The following EIF4A3 variants were observed in gnomAD, a reference collection of about 807,000 sequenced individuals.
EIF4A3 encodes eukaryotic translation initiation factor 4A3, also known as eukaryotic initiation factor 4A-III.
A neutral mutation model predicts 55.6 loss-of-function variants in EIF4A3; 1 was observed. The observed-to-expected ratio is 0.02, with a 90% CI of 0.01 to 0.09. EIF4A3 has a LOEUF of 0.09. EIF4A3 is among the 10% of genes least tolerant of loss of function. The probability of loss-of-function intolerance (pLI) is 1.00; values close to 1 mark genes in which losing one functional copy is unlikely to be tolerated. For missense variants in EIF4A3, 221 were observed against 540.7 expected (o/e 0.41, Z 5.86); for synonymous variants, 194 against 196.3 (o/e 0.99, Z 0.10).
At chr17:80,136,443 T>C in intron 9 of EIF4A3, 108 bp from the exon 10 acceptor site, 1 of 807,128 alleles carries the variant, frequency 1.2e-6, no homozygotes, top group Non-Finnish European at 2.0e-6. Context: ...GTCCAAAATA[T>C]ACGAGATTCT....
Position 80,135,204 on chromosome 17 carries a change from G to T in EIF4A3, c.*286C>A. On this transcript the variant is annotated 3_prime_UTR_variant, in exon 12 of 12. Transcript: ENST00000649764. ...AAGAAAAGTGAGTGAAATGACCCAA[G>T]ACTACACAGTAAGTTACTAGAGAAG... The T allele has an allele frequency of 2.8e-6, 1 of 356,592 alleles. No homozygotes were observed. The highest frequency in any genetic ancestry group is 9.9e-5 in the South Asian group (1 of 10,098). 22.1% of individuals were successfully genotyped at this position (356,592 alleles called of 1,614,324 possible). A position where few individuals can be genotyped will look rare whatever the true frequency, so the allele number is the denominator to read the frequency against.
chr17:80,146,466 A>G (rs2039663721), intron 1 of EIF4A3, among the ~76,000 whole-genome samples: 1 of 152,248 alleles, frequency 6.6e-6, no homozygotes. Context: ...TTTACCGCCA[A>G]AACCCCAGTA....
At chr17:80,146,229 C>A (rs2039661400) in intron 1 of EIF4A3, among the ~76,000 whole-genome samples, 1 of 129,710 alleles carries the variant, frequency 7.7e-6, no homozygotes. Flanking sequence ...TCTGCCCCAA[C>A]TGCTCTTCCC....
Position 80,139,265 on chromosome 17 carries a change from T to C in EIF4A3, c.587-103A>G, listed in dbSNP as rs1023647850. 3.4e-6 allele frequency: 5 copies of C among 1,468,000 alleles called. No homozygotes were observed. The African/African-American group carries it at 7.0e-5, about 21-fold the overall frequency. 90.9% of individuals were successfully genotyped at this position (1,468,000 alleles called of 1,614,324 possible). A position where few individuals can be genotyped will look rare whatever the true frequency, so the allele number is the denominator to read the frequency against. On this transcript the variant is annotated intron_variant, in intron 6 of 11. Transcript: ENST00000649764. ...CACTGGGTTAGAGGCAGAGTGGTGA[T>C]AAGGTACGTTTGACAGGAAATCTCA... is the stretch of plus-strand genomic sequence containing the variant.
At chr17:80,135,797 A>T (rs1212942260) in intron 11 of EIF4A3, 1 of 640,502 alleles carries the variant, frequency 1.6e-6, no homozygotes, top group Non-Finnish European at 2.7e-6. Context: ...CAGGAGGCTG[A>T]GGCAGGAGAA....
At chr17:80,138,888 G>A (rs943261211) in intron 7 of EIF4A3, 133 bp downstream of exon 7, 3 of 1,196,926 alleles carry the variant, frequency 2.5e-6, no homozygotes, top group Non-Finnish European at 3.6e-6. Context: ...AGGATAGCCT[G>A]AGGTCCGGGT....
At chr17:80,140,261 G>C (rs984001031) in intron 4 of EIF4A3, 121 bp from the exon 5 acceptor site, 1 of 1,200,264 alleles carries the variant, frequency 8.3e-7, no homozygotes, top group Admixed American at 3.7e-5. Flanking sequence ...TTATTATCTC[G>C]AAACCACAAA....
At chr17:80,138,409 G>C in intron 7 of EIF4A3, 129 bp from the exon 8 acceptor site, 1 of 1,112,924 alleles carries the variant, frequency 9.0e-7, no homozygotes, top group Non-Finnish European at 1.3e-6. Flanking sequence ...AGACCCAGCA[G>C]CCCCAGCCCT....
intron 8 of EIF4A3, 72 bp downstream of exon 8, chr17:80,138,070 T>C (rs1384868987): frequency 4.5e-6 from 7 of 1,562,344 alleles, no homozygotes; most frequent in Middle Eastern, 1.7e-4. Flanking sequence ...CTGAAAAATC[T>C]TGATTTATGT....
At chr17:80,138,494 C>G (rs993849430) in intron 7 of EIF4A3, 51 of 553,234 alleles carry the variant, frequency 9.2e-5, no homozygotes, top group African/African-American at 8.8e-4. Context: ...CAATGTGCAC[C>G]ACATGGAATA....
chr17:80,137,365 G>A (rs766020388), intron 9 of EIF4A3, 21 bp downstream of exon 9: 1 of 1,606,450 alleles, frequency 6.2e-7, no homozygotes, highest in South Asian at 1.1e-5. Flanking sequence ...GACCTGCAGA[G>A]CCACAGCATA....
At chr17:80,143,804 C>A (rs1598606452) in intron 2 of EIF4A3, among the ~76,000 whole-genome samples, 1 of 54,790 alleles carries the variant, frequency 1.8e-5, no homozygotes, top group Non-Finnish European at 3.8e-5. Context: ...CATGGTGAAA[C>A]CCCCGTCTCT....
intron 5 of EIF4A3, 45 bp from the exon 6 acceptor site, chr17:80,139,795 G>T: frequency 6.3e-7 from 1 of 1,590,396 alleles, no homozygotes; most frequent in South Asian, 1.1e-5. Flanking sequence ...TCACATCTAT[G>T]AGATTTTGAA....
At chr17:80,145,845 G>A (rs533393116) in intron 1 of EIF4A3, among the ~76,000 whole-genome samples, 99 of 152,028 alleles carry the variant, frequency 6.5e-4, no homozygotes, top group African/African-American at 2.1e-3. Flanking sequence ...TGTCACTCAC[G>A]TTCAATCCAT....
In EIF4A3 at chr17:80,141,323, T is replaced by C. The variant is rs2039617013; in HGVS notation, c.368A>G (p.Gln123Arg). 2 of 1,612,760 alleles carry C rather than the reference T, an allele frequency of 1.2e-6. No homozygotes were observed. Among genetic ancestry groups the C allele is most frequent in the African/African-American group, 1.3e-5 (1 of 74,900 alleles). Residue 123 changes from glutamine (Q) to arginine (R), a missense_variant, in exon 4 of 12, where the codon CAG (glutamine) becomes CGG (arginine). Transcript: ENST00000649764. ...CGCTATCTTTAGCCATCTCACCTTCTGGATCTGCACAGCCAACTCTCTTGT... is the reference window on the plus strand; with the variant it reads ...CGCTATCTTTAGCCATCTCACCTTCCGGATCTGCACAGCCAACTCTCTTGT... Reference protein sequence around the residue: ...APTRELAVQIQKGLLALGDYM... With the variant: ...APTRELAVQIRKGLLALGDYM...
At chr17:80,146,015 A>C (rs920861004) in intron 1 of EIF4A3, among the ~76,000 whole-genome samples, 13 of 152,044 alleles carry the variant, frequency 8.6e-5, no homozygotes, top group African/African-American at 3.1e-4. Context: ...TAAAACTGTA[A>C]ATGTGATCGT....
chr17:80,137,415 G>A lies in EIF4A3; in HGVS notation c.954C>T (p.Ser318=). ...CGCCCGACCGGAACTCCTTCATGAT[G>A]GACTCCCGCTCTTTCTGGGGCATGT... ...HGDMPQKERE[S]IMKEFRSGAS... is the part of the protein sequence containing the mutation. Residue 318 remains serine (S), a synonymous_variant, in exon 9 of 12, where the codon TCC becomes TCT. Coordinates refer to ENST00000649764, the MANE Select transcript of EIF4A3 (RefSeq NM_014740.4). 6.2e-7 allele frequency: 1 copy of A among 1,613,902 alleles called. No homozygotes were observed.
Position 80,147,077 on chromosome 17 carries a change from C to A in EIF4A3, c.-116G>T. 7.3e-7 allele frequency: 1 copy of A among 1,367,758 alleles called. No individual in the cohort carries two copies. Among genetic ancestry groups the A allele is most frequent in the East Asian group, 3.0e-5 (1 of 33,072 alleles). 84.7% of individuals were successfully genotyped at this position (1,367,758 alleles called of 1,614,324 possible). On this transcript the variant is annotated 5_prime_UTR_variant, in exon 1 of 12. Coordinates refer to ENST00000649764, the MANE Select transcript of EIF4A3 (RefSeq NM_014740.4). The stretch of plus-strand genomic sequence containing the variant: ...GCTGCCGACCTCGCTGTGCCGCTGC[C>A]GACCTCGCTGTGCCGCTGCCGACCT...
intron 4 of EIF4A3, 126 bp downstream of exon 4, chr17:80,141,193 T>C: frequency 1.0e-6 from 1 of 1,001,550 alleles, no homozygotes; most frequent in Non-Finnish European, 1.5e-6. Context: ...GGCAAAATGT[T>C]AATCAGGAAG....
Sources: allele counts gnomAD v4.1 joint callset (sites outside exome capture counted in the v4.1 genomes callset), GRCh38; gene constraint gnomAD v4.1.1; transcripts MANE v1.5; gene names NCBI Gene and HGNC (gene_info 2026-07-23, HGNC 2026-07-21).